Variants in ATRNL1 observed in about 807,000 individuals in gnomAD.
ATRNL1 encodes attractin-like protein 1.
ATRNL1 carries 95 observed loss-of-function variants against 182.7 expected under a neutral mutation model. The ratio of observed to expected loss-of-function variants is 0.52; its 90% CI spans 0.44 to 0.62. The LOEUF (loss-of-function observed/expected upper bound fraction) is 0.62, where lower values mean the gene tolerates loss of function less well. Ranked by LOEUF, ATRNL1 falls within the 20% of genes least tolerant of loss-of-function variation. ATRNL1 has a pLI of 0.00. For synonymous variants in ATRNL1, 576 were observed against 568.3 expected (o/e 1.01, Z -0.19); for missense variants, 1,471 against 1,679.5 (o/e 0.88, Z 2.17).
At chr10:115,228,028 T>C (rs1849766936) in intron 9 of ATRNL1, among the ~76,000 whole-genome samples, 1 of 152,156 alleles carries the variant, frequency 6.6e-6, no homozygotes, top group South Asian at 2.1e-4. Context: ...TTAAGATTTT[T>C]ATACTTTTGG....
intron 9 of ATRNL1, among the ~76,000 whole-genome samples, chr10:115,217,289 T>C (rs1354641831): frequency 6.6e-6 from 1 of 152,164 alleles, no homozygotes; most frequent in Non-Finnish European, 1.5e-5. Flanking sequence ...GGTTTCACTA[T>C]GTTGGTAAGC....
intron 26 of ATRNL1, among the ~76,000 whole-genome samples, chr10:115,556,207 A>T (rs1853306243): frequency 6.6e-6 from 1 of 152,118 alleles, no homozygotes; most frequent in Non-Finnish European, 1.5e-5. Context: ...CACAGTACTT[A>T]TTCAACTATT....
rs1422674740 is a variant in ATRNL1, at chr10:115,423,198, A to T, written c.3270-3052A>T. 2.0e-5 allele frequency among the ~76,000 whole-genome samples: 3 copies of T among 152,204 alleles called. No individual in the cohort carries two copies. The South Asian group carries it at 6.2e-4, about 32-fold the overall frequency. ...TATGCCTGTATCAAAATATCTATGT[A>T]CCCCATAAATAAGCACACTTACTAT... On this transcript the variant is annotated intron_variant, in intron 20 of 28. Transcript: ENST00000355044.
intron 21 of ATRNL1, among the ~76,000 whole-genome samples, chr10:115,438,669 A>G (rs555592642): frequency 1.3e-5 from 2 of 152,056 alleles, no homozygotes; most frequent in South Asian, 4.1e-4. Context: ...TTTTTGCACT[A>G]CGGCTGCTAG....
At chr10:115,223,984 G>A (rs11197124) in intron 9 of ATRNL1, among the ~76,000 whole-genome samples, 39,964 of 134,450 alleles carry the variant, frequency 0.3, 7,178 homozygotes, top group Middle Eastern at 0.46. Flanking sequence ...CACCCAGCCT[G>A]GAGTGCAGTG....
chr10:115,094,069 C>T, intron 1 of ATRNL1, 26 bp downstream of exon 1: 2 of 1,411,918 alleles, frequency 1.4e-6, no homozygotes, highest in Non-Finnish European at 9.3e-7. Flanking sequence ...GGACCCCGAA[C>T]CTCCAGCCCT....
At chr10:115,369,094 A>G (rs1857244073) in intron 19 of ATRNL1, among the ~76,000 whole-genome samples, 1 of 152,134 alleles carries the variant, frequency 6.6e-6, no homozygotes, top group South Asian at 2.1e-4. Context: ...ATTTTCACAT[A>G]AAATAATATC....
At chr10:115,412,223 C>A (rs1554960072) in intron 20 of ATRNL1, among the ~76,000 whole-genome samples, 1 of 151,984 alleles carries the variant, frequency 6.6e-6, no homozygotes, top group Non-Finnish European at 1.5e-5. Flanking sequence ...TAGCCACCAG[C>A]CAATAGCAAG....
At chr10:115,855,424 C>G (rs1555101606) in intron 28 of ATRNL1, among the ~76,000 whole-genome samples, 1 of 152,200 alleles carries the variant, frequency 6.6e-6, no homozygotes, top group Non-Finnish European at 1.5e-5. Context: ...TAACATATAT[C>G]AGAGTTGCTA....
chr10:115,563,802 G>A (rs1334179743), intron 26 of ATRNL1, among the ~76,000 whole-genome samples: 3 of 152,018 alleles, frequency 2.0e-5, no homozygotes, highest in African/African-American at 7.2e-5. Flanking sequence ...TAAGGAACAT[G>A]GAAATAGGTA....
At chr10:115,306,840 T>G (rs1052771085) in intron 17 of ATRNL1, among the ~76,000 whole-genome samples, 1 of 152,208 alleles carries the variant, frequency 6.6e-6, no homozygotes, top group African/African-American at 2.4e-5. Context: ...AATATAATTA[T>G]ACAGTGCAAA....
chr10:115,592,802 C>A (rs1208137547), intron 26 of ATRNL1, among the ~76,000 whole-genome samples: 1 of 152,152 alleles, frequency 6.6e-6, no homozygotes. Context: ...AACATAATTG[C>A]TTTTGTTGTT....
In ATRNL1 at chr10:115,353,409, G is replaced by T. The variant is rs543509110; in HGVS notation, c.3175+18990G>T. Among the ~76,000 whole-genome samples the T allele has an allele frequency of 3.9e-5, 6 of 151,962 alleles. No individual in the cohort carries two copies. The East Asian group carries it at 9.7e-4, about 24-fold the overall frequency. ...CTATTCTTGTTTTTTGTTTCCATTT[G>T]CATGGAATATTTCATTTCATTTCCT... is the stretch of plus-strand genomic sequence containing the variant. On this transcript the variant is annotated intron_variant, in intron 19 of 28. Coordinates refer to ENST00000355044, the MANE Select transcript of ATRNL1 (RefSeq NM_207303.4).
rs567039857 is a variant in ATRNL1 at position 115,417,651 on chromosome 10, A to G, written c.3270-8599A>G. ...CCCCTCCTGCTGCAGTTGGTGACAT[A>G]TCTCTCACCTGTTCAGAGACCTCCT... On this transcript the variant is annotated intron_variant, in intron 20 of 28. Transcript: ENST00000355044. Among the ~76,000 whole-genome samples, 4 of 152,246 alleles carry G rather than the reference A, an allele frequency of 2.6e-5. No homozygotes were observed. The South Asian group carries it at 8.3e-4, about 32-fold the overall frequency.
chr10:115,640,213 G>A (rs1859149416), intron 26 of ATRNL1, among the ~76,000 whole-genome samples: 2 of 152,146 alleles, frequency 1.3e-5, no homozygotes, highest in South Asian at 4.1e-4. Context: ...CTTTGCTATT[G>A]TGAATAGCGC....
At chr10:115,458,182 T>C (rs539030349) in intron 21 of ATRNL1, among the ~76,000 whole-genome samples, 11 of 152,148 alleles carry the variant, frequency 7.2e-5, no homozygotes, top group Non-Finnish European at 1.2e-4. Flanking sequence ...TCAGAGCATA[T>C]TTCAGCATTA....
At chr10:115,453,344 C>G (rs939519143) in intron 21 of ATRNL1, among the ~76,000 whole-genome samples, 7 of 152,010 alleles carry the variant, frequency 4.6e-5, no homozygotes, top group African/African-American at 1.7e-4. Context: ...AGAGAAATGT[C>G]TATTCAGTCT....
At chr10:115,124,817 A>G (rs1844894922) in intron 3 of ATRNL1, among the ~76,000 whole-genome samples, 1 of 152,188 alleles carries the variant, frequency 6.6e-6, no homozygotes, top group Admixed American at 6.5e-5. Flanking sequence ...TTATGTCCCA[A>G]GAACTGGGGA....
chr10:115,592,317 C>T (rs963844373), intron 26 of ATRNL1, among the ~76,000 whole-genome samples: 3 of 152,128 alleles, frequency 2.0e-5, no homozygotes, highest in Non-Finnish European at 4.4e-5. Flanking sequence ...CTGTAGAGAT[C>T]TAAAAGTTGA....
Sources: gnomAD v4.1 joint callset for allele counts (sites outside exome capture counted in the v4.1 genomes callset) on GRCh38, gnomAD v4.1.1 for gene constraint, MANE v1.5 for transcripts, NCBI Gene and HGNC (gene_info 2026-07-23, HGNC 2026-07-21) for gene names.